The following ANKS1B variants were observed in gnomAD, a reference collection of about 807,000 sequenced individuals.
ANKS1B encodes the protein ankyrin repeat and sterile alpha motif domain containing 1B.
In ANKS1B, 36 loss-of-function variants were observed where a neutral mutation model predicts 148.3. That is an observed-to-expected ratio of 0.24 (90% CI 0.19 to 0.32). The LOEUF is 0.32. ANKS1B is among the 10% of genes least tolerant of loss of function. The pLI is 1.00. For missense variants in ANKS1B, 1,157 were observed against 1,542.6 expected, an observed-to-expected ratio of 0.75 and a Z score of 4.19; for synonymous variants, 542 against 560.8, an observed-to-expected ratio of 0.97 and a Z score of 0.47.
rs183437008 is a variant in ANKS1B at position 99,870,741 on chromosome 12, G to A, written c.135-45352C>T. ...CTTCTTTTGAGAATTGTCTGTTCTT[G>A]TATTTTGCTCACTTTTTAGAAGGGA... On this transcript the variant is annotated intron_variant, in intron 1 of 26. Transcript: ENST00000683438. Among the ~76,000 whole-genome samples the A allele has an allele frequency of 6.6e-5, 10 of 152,130 alleles. No homozygotes were observed. The East Asian group carries it at 1.9e-3, about 29-fold the overall frequency.
At chr12:99,548,641 GAAGA>G (rs2097191786) in intron 9 of ANKS1B, among the ~76,000 whole-genome samples, 1 of 152,048 alleles carries the variant, frequency 6.6e-6, no homozygotes, top group African/African-American at 2.4e-5. Context: ...GCCACACTAA[GAAGA>G]AATTTTGAAG....
At chr12:98,838,146 T>C (rs1404037682) in intron 17 of ANKS1B, among the ~76,000 whole-genome samples, 1 of 152,230 alleles carries the variant, frequency 6.6e-6, no homozygotes, top group Non-Finnish European at 1.5e-5. Flanking sequence ...TTCAGAGAAG[T>C]ATGTCATAAT....
intron 17 of ANKS1B, among the ~76,000 whole-genome samples, chr12:98,952,999 C>T (rs1597478599): frequency 6.6e-6 from 1 of 151,200 alleles, no homozygotes; most frequent in East Asian, 1.9e-4. Context: ...GCTAGGACTA[C>T]AAGCACACAT....
intron 1 of ANKS1B, among the ~76,000 whole-genome samples, chr12:99,962,136 T>C (rs139814206): frequency 1.3e-5 from 2 of 152,150 alleles, no homozygotes; most frequent in Admixed American, 1.3e-4. Context: ...GTTTGTTACA[T>C]AGGTATACAT....
chr12:99,097,866 A>T (rs966844025), intron 15 of ANKS1B, among the ~76,000 whole-genome samples: 2 of 152,216 alleles, frequency 1.3e-5, no homozygotes, highest in African/African-American at 4.8e-5. Flanking sequence ...CAAGGAGTAC[A>T]TCTACTCATA....
intron 8 of ANKS1B, among the ~76,000 whole-genome samples, chr12:99,702,408 GTTGT>G (rs1169969303): frequency 1.5e-4 from 23 of 152,012 alleles, no homozygotes; most frequent in African/African-American, 4.8e-4. Flanking sequence ...TTCCTGTTGA[GTTGT>G]TTGAGTTCCT....
chr12:99,268,566 G>A (rs1490880600), intron 12 of ANKS1B, among the ~76,000 whole-genome samples: 3 of 152,296 alleles, frequency 2.0e-5, no homozygotes, highest in Middle Eastern at 3.4e-3. Context: ...TCCCCAGTGG[G>A]TATTCACTGC....
intron 15 of ANKS1B, among the ~76,000 whole-genome samples, chr12:99,118,672 C>T (rs1050115346): frequency 1.3e-5 from 2 of 152,176 alleles, no homozygotes; most frequent in African/African-American, 2.4e-5. Flanking sequence ...AAATCAAGTA[C>T]TATGCATATT....
At chr12:99,030,290 T>G (rs2099951221) in intron 17 of ANKS1B, among the ~76,000 whole-genome samples, 1 of 152,172 alleles carries the variant, frequency 6.6e-6, no homozygotes, top group South Asian at 2.1e-4. Flanking sequence ...TGCCACATGC[T>G]GTTATGACCA....
At chr12:98,821,668 G>A (rs1480572905) in intron 19 of ANKS1B, among the ~76,000 whole-genome samples, 2 of 152,132 alleles carry the variant, frequency 1.3e-5, no homozygotes, top group Non-Finnish European at 2.9e-5. Flanking sequence ...GAGTGCAGTG[G>A]TGCGATCTTG....
intron 14 of ANKS1B, among the ~76,000 whole-genome samples, chr12:99,195,236 C>T (rs1331177196): frequency 6.6e-6 from 1 of 152,126 alleles, no homozygotes; most frequent in African/African-American, 2.4e-5. Context: ...ACTCCATACT[C>T]TTCATGGACA....
intron 9 of ANKS1B, among the ~76,000 whole-genome samples, chr12:99,600,243 A>G (rs2097790089): frequency 6.6e-6 from 1 of 151,986 alleles, no homozygotes; most frequent in South Asian, 2.1e-4. Flanking sequence ...AAGAACTGTT[A>G]ATCTTAAAAG....
intron 1 of ANKS1B, among the ~76,000 whole-genome samples, chr12:99,883,170 A>G (rs910766651): frequency 2.0e-5 from 3 of 152,212 alleles, no homozygotes; most frequent in African/African-American, 7.2e-5. Flanking sequence ...TTAAGAGCAA[A>G]AAACAGAGCA....
chr12:99,557,194 C>T (rs989367492), intron 9 of ANKS1B, among the ~76,000 whole-genome samples: 1 of 152,090 alleles, frequency 6.6e-6, no homozygotes, highest in African/African-American at 2.4e-5. Context: ...CTCTGCATTT[C>T]CTGAATTTGA....
intron 17 of ANKS1B, among the ~76,000 whole-genome samples, chr12:99,035,515 A>G (rs2099954989): frequency 6.6e-6 from 1 of 152,188 alleles, no homozygotes; most frequent in Non-Finnish European, 1.5e-5. Flanking sequence ...GAAGTGTAAA[A>G]ATGGACAATC....
intron 8 of ANKS1B, among the ~76,000 whole-genome samples, chr12:99,666,201 G>A (rs1395354814): frequency 1.3e-5 from 2 of 152,164 alleles, no homozygotes; most frequent in African/African-American, 4.8e-5. Flanking sequence ...ATACCACATT[G>A]ATAGACGTTT....
intron 9 of ANKS1B, among the ~76,000 whole-genome samples, chr12:99,559,246 A>G (rs961097859): frequency 5.9e-5 from 9 of 152,102 alleles, no homozygotes; most frequent in African/African-American, 1.9e-4. Context: ...CAGATCAGAA[A>G]TTGCCATTTT....
At chr12:98,895,059 G>A in intron 17 of ANKS1B, 20 of 945,030 alleles carry the variant, frequency 2.1e-5, no homozygotes, top group Non-Finnish European at 2.4e-5. Context: ...GCTCTCCATT[G>A]TTCCGCGGCT....
Position 99,051,620 on chromosome 12 carries a change from G to A in ANKS1B, c.2778+1537C>T, listed in dbSNP as rs145008784. Among the ~76,000 whole-genome samples the A allele has an allele frequency of 3.4e-3, 518 of 152,280 alleles. 4 individuals are homozygous for A. Among genetic ancestry groups the A allele is most frequent in the African/African-American group, 0.012 (490 of 41,562 alleles). On this transcript the variant is annotated intron_variant, in intron 17 of 26. Transcript: ENST00000683438. ...AAGCAATACTGTTTCAGTTAGTTCC[G>A]TTGCCACACAGACTGAATGAAATTA... is the stretch of plus-strand genomic sequence containing the variant.
Sources: gnomAD v4.1 joint callset for allele counts (sites outside exome capture counted in the v4.1 genomes callset) on GRCh38, gnomAD v4.1.1 for gene constraint, MANE v1.5 for transcripts, NCBI Gene and HGNC (gene_info 2026-07-23, HGNC 2026-07-21) for gene names.